DLGAP2: variants seen among roughly 807,000 people sequenced by gnomAD.
The protein encoded by DLGAP2 is disks large-associated protein 2.
Under a neutral mutation model 100.3 loss-of-function variants are expected in DLGAP2, and 26 were observed. The ratio of observed to expected loss-of-function variants is 0.26; its 90% CI spans 0.19 to 0.36. DLGAP2 has a LOEUF of 0.36. DLGAP2 is among the 10% of genes least tolerant of loss of function. The probability of loss-of-function intolerance (pLI) is 1.00; values close to 1 mark genes in which losing one functional copy is unlikely to be tolerated. For missense variants in DLGAP2, 1,858 were observed against 1,453.2 expected (o/e 1.28, Z -4.53); for synonymous variants, 886 against 630.1 (o/e 1.41, Z -6.08).
intron 2 of DLGAP2, among the ~76,000 whole-genome samples, chr8:1,170,937 G>A (rs1392532318): frequency 6.7e-6 from 1 of 150,178 alleles, no homozygotes; most frequent in African/African-American, 2.5e-5. Flanking sequence ...TTTTGAATGT[G>A]TTTGCTCTTG....
intron 5 of DLGAP2, among the ~76,000 whole-genome samples, chr8:1,560,610 C>A (rs780337177): frequency 6.6e-6 from 1 of 152,220 alleles, no homozygotes; most frequent in African/African-American, 2.4e-5. Flanking sequence ...GGCCTCCAGT[C>A]ATCTCCAGAA....
At chr8:916,171 A>C (rs887756092) in intron 2 of DLGAP2, among the ~76,000 whole-genome samples, 4 of 152,198 alleles carry the variant, frequency 2.6e-5, no homozygotes, top group African/African-American at 9.6e-5. Flanking sequence ...TATCCACCCC[A>C]GTTTTCCCAC....
chr8:750,024 G>T (rs1326477608), intron 1 of DLGAP2, among the ~76,000 whole-genome samples: 4 of 152,178 alleles, frequency 2.6e-5, no homozygotes, highest in African/African-American at 9.7e-5. Flanking sequence ...TGCGGTCAGG[G>T]CCCACTCAGA....
intron 3 of DLGAP2, among the ~76,000 whole-genome samples, chr8:1,293,906 C>G (rs1431349682): frequency 6.6e-6 from 1 of 152,086 alleles, no homozygotes; most frequent in Non-Finnish European, 1.5e-5. Flanking sequence ...TGCTGAGGTC[C>G]TAAAGCTGAT....
rs1261554845 is a variant in DLGAP2 at position 1,450,355 on chromosome 8, G to GGTGGCT, written c.107-51009_107-51004dup. ...GGGTGAAGACGAGGTGGGCGACCTC[G>GGTGGCT]GTGGCTGAGGCTGAGCTGTGAGGGT... On this transcript the variant is annotated intron_variant, in intron 3 of 14. Coordinates refer to ENST00000637795, the MANE Select transcript of DLGAP2 (RefSeq NM_001346810.2). Among the ~76,000 whole-genome samples the GGTGGCT allele has an allele frequency of 2.5e-3, 251 of 99,484 alleles. 48 individuals carry two copies. The highest frequency in any genetic ancestry group is 2.7e-3 in the Non-Finnish European group (126 of 45,898). 65.3% of individuals were successfully genotyped at this position (99,484 alleles called of 152,430 possible).
chr8:1,359,358 G>A (rs770838962), intron 3 of DLGAP2, among the ~76,000 whole-genome samples: 1 of 152,254 alleles, frequency 6.6e-6, no homozygotes, highest in African/African-American at 2.4e-5. Context: ...CGCAGTTTAG[G>A]AGAAAGGAAA....
At chr8:1,694,441 G>T (rs36081098) in intron 13 of DLGAP2, among the ~76,000 whole-genome samples, 25,858 of 152,230 alleles carry the variant, frequency 0.17, 2,488 homozygotes, top group Admixed American at 0.24. Context: ...AGGGAGCGGA[G>T]CCTTTCGGGA....
intron 3 of DLGAP2, among the ~76,000 whole-genome samples, chr8:1,277,676 G>A (rs1016798899): frequency 6.6e-6 from 1 of 152,172 alleles, no homozygotes; most frequent in African/African-American, 2.4e-5. Flanking sequence ...GAAATGAGTG[G>A]TGGGGTGGGC....
At chr8:1,562,295 G>C (rs1584929663) in intron 5 of DLGAP2, among the ~76,000 whole-genome samples, 2 of 29,580 alleles carry the variant, frequency 6.8e-5, no homozygotes, top group Non-Finnish European at 6.6e-5. Flanking sequence ...CTCGTTACTG[G>C]GGGACTGTGT....
intron 1 of DLGAP2, among the ~76,000 whole-genome samples, chr8:764,898 C>T (rs563390372): frequency 2.0e-5 from 3 of 152,282 alleles, no homozygotes; most frequent in Non-Finnish European, 2.9e-5. Context: ...CATATCTAAC[C>T]TACTCAAAGC....
At chr8:1,012,079 G>A (rs1321972528) in intron 2 of DLGAP2, among the ~76,000 whole-genome samples, 4 of 152,188 alleles carry the variant, frequency 2.6e-5, no homozygotes, top group Non-Finnish European at 2.9e-5. Flanking sequence ...TGCATGGCCC[G>A]TGTCGCAGGA....
chr8:1,263,140 G>A (rs1003935982), intron 3 of DLGAP2, among the ~76,000 whole-genome samples: 4 of 152,124 alleles, frequency 2.6e-5, no homozygotes, highest in Admixed American at 6.6e-5. Flanking sequence ...GTTGGGATAC[G>A]TTGACATGAA....
At chr8:1,215,946 G>C (rs558679523) in intron 2 of DLGAP2, among the ~76,000 whole-genome samples, 11 of 151,430 alleles carry the variant, frequency 7.3e-5, no homozygotes, top group Non-Finnish European at 1.0e-4. Flanking sequence ...GGGTTCATTT[G>C]GGTGCATCAC....
chr8:1,031,051 C>T (rs1371889516), intron 2 of DLGAP2, among the ~76,000 whole-genome samples: 1 of 152,176 alleles, frequency 6.6e-6, no homozygotes, highest in Non-Finnish European at 1.5e-5. Flanking sequence ...GGGTCTTCTG[C>T]CTCCACTCTG....
chr8:1,693,801 T>G (rs1007510422), intron 13 of DLGAP2, among the ~76,000 whole-genome samples: 2 of 152,174 alleles, frequency 1.3e-5, no homozygotes, highest in Admixed American at 1.3e-4. Flanking sequence ...AAGAGGGAAA[T>G]AGAAAGGTTT....
In DLGAP2 at chr8:1,707,903, A is replaced by C. The variant is rs1799747880; in HGVS notation, c.*6497A>C. The C allele has an allele frequency of 6.6e-6, 1 of 152,572 alleles. No homozygotes were observed. The highest frequency in any genetic ancestry group is 2.1e-4 in the South Asian group (1 of 4,828). The allele number at this position is 152,572 out of a possible 1,614,324, so 9.5% of individuals were successfully genotyped here. ...ACTATTTTATGTCATTCTCTTTCTC[A>C]CGCTTTTATGGTTCTTTTGATAAAT... On this transcript the variant is annotated 3_prime_UTR_variant, in exon 15 of 15. Transcript: ENST00000637795.
chr8:1,205,228 A>G (rs1210219890), intron 2 of DLGAP2, among the ~76,000 whole-genome samples: 4 of 152,186 alleles, frequency 2.6e-5, no homozygotes, highest in South Asian at 2.1e-4. Flanking sequence ...TAAGAAGTCA[A>G]TGCTCTGCCT....
chr8:1,372,383 C>A (rs1563111532), intron 3 of DLGAP2, among the ~76,000 whole-genome samples: 1 of 152,188 alleles, frequency 6.6e-6, no homozygotes, highest in Non-Finnish European at 1.5e-5. Flanking sequence ...ACTCTGCAGG[C>A]GAGCAAAGCA....
chr8:1,633,855 A>C (rs1797709283), intron 8 of DLGAP2, among the ~76,000 whole-genome samples: 1 of 152,238 alleles, frequency 6.6e-6, no homozygotes, highest in Admixed American at 6.5e-5. Flanking sequence ...CCGAGGGGAA[A>C]TAGAACAAAG....
Sources: allele counts gnomAD v4.1 joint callset (sites outside exome capture counted in the v4.1 genomes callset), GRCh38; gene constraint gnomAD v4.1.1; transcripts MANE v1.5; gene names NCBI Gene and HGNC (gene_info 2026-07-23, HGNC 2026-07-21).